The following TUB variants were observed in gnomAD, a reference collection of about 807,000 sequenced individuals.
The protein encoded by TUB is tubby protein homolog.
A neutral mutation model predicts 59.7 loss-of-function variants in TUB; 33 were observed. The ratio of observed to expected loss-of-function variants is 0.55; its 90% CI spans 0.42 to 0.74. TUB has a LOEUF of 0.74. Among genes scored for constraint, TUB ranks in the 30% least tolerant of loss-of-function variants. The probability of loss-of-function intolerance (pLI) is 0.00; values close to 1 mark genes in which losing one functional copy is unlikely to be tolerated. For synonymous variants in TUB, 293 were observed against 256.4 expected, an observed-to-expected ratio of 1.14 and a Z score of -1.36; for missense variants, 659 against 672.0, an observed-to-expected ratio of 0.98 and a Z score of 0.21.
chr11:8,029,177 T>G (rs1185483682), intron 1 of TUB, among the ~76,000 whole-genome samples: 1 of 152,196 alleles, frequency 6.6e-6, no homozygotes, highest in Non-Finnish European at 1.5e-5. Context: ...GGCTTTTTTC[T>G]GGCCCCGGGT....
At chr11:8,070,683 C>T (rs895090902) in intron 2 of TUB, among the ~76,000 whole-genome samples, 2 of 152,216 alleles carry the variant, frequency 1.3e-5, no homozygotes, top group African/African-American at 4.8e-5. Context: ...TGAACCATAA[C>T]TTCAGTCTCA....
upstream of TUB, among the ~76,000 whole-genome samples, chr11:8,078,071 A>C (rs780007858): frequency 6.6e-6 from 1 of 152,138 alleles, no homozygotes; most frequent in Non-Finnish European, 1.5e-5. Flanking sequence ...ATAAGACTCC[A>C]TATAGGTGGC....
rs577068490 is a variant in TUB, at chr11:8,019,716, G to T, written c.56+358G>T. On this transcript the variant is annotated intron_variant, in intron 1 of 11. Coordinates refer to the TUB transcript ENST00000534099. The stretch of plus-strand genomic sequence containing the variant: ...CGGGAGGGGCGGGGCAGGGGCCGGG[G>T]TGGGCCCCTGGCGGGCGGGGCGAGG... Among the ~76,000 whole-genome samples, 26 of 151,992 alleles carry T rather than the reference G, an allele frequency of 1.7e-4. No homozygotes were observed. The East Asian group carries it at 4.9e-3, about 28-fold the overall frequency.
chr11:8,048,986 A>G (rs1200907493), intron 2 of TUB, among the ~76,000 whole-genome samples: 1 of 152,184 alleles, frequency 6.6e-6, no homozygotes, highest in Admixed American at 6.5e-5. Flanking sequence ...ATGAATTCCC[A>G]TGGTACAGCT....
rs1196013699 is a variant in TUB, at chr11:8,102,485, A to G, written c.*866A>G. The G allele has an allele frequency of 6.6e-6, 1 of 152,254 alleles. No homozygotes were observed. Among genetic ancestry groups the G allele is most frequent in the Non-Finnish European group, 1.5e-5 (1 of 68,076 alleles). The allele number at this position is 152,254 out of a possible 1,614,324, so 9.4% of individuals were successfully genotyped here. ...TGCTGAGCAGCCCAGCACAACCCCC[A>G]GGAAACACAAATGGGGTCCAGGTCA... On this transcript the variant is annotated 3_prime_UTR_variant, in exon 12 of 12. Coordinates refer to ENST00000299506, the MANE Select transcript of TUB (RefSeq NM_177972.3).
chr11:8,076,597 C>G (rs1266332043), upstream of TUB: 1 of 152,122 alleles, frequency 6.6e-6, no homozygotes, highest in Non-Finnish European at 1.5e-5. Context: ...TGGAAGCATC[C>G]CATCTCATCC....
At chr11:8,098,206 G>T (rs753363367) in intron 8 of TUB, among the ~76,000 whole-genome samples, 3 of 152,152 alleles carry the variant, frequency 2.0e-5, no homozygotes, top group African/African-American at 7.2e-5. Flanking sequence ...AATCTTGGGG[G>T]TGGGGGGCAG....
At chr11:8,035,050 C>G (rs1942627460), upstream of TUB, among the ~76,000 whole-genome samples, 1 of 152,244 alleles carries the variant, frequency 6.6e-6, no homozygotes. Context: ...CTGACTCAGT[C>G]TGTCCCTCCC....
chr11:8,059,495 G>A (rs1943081596), intron 2 of TUB, among the ~76,000 whole-genome samples: 1 of 152,148 alleles, frequency 6.6e-6, no homozygotes, highest in East Asian at 1.9e-4. Flanking sequence ...GGCAGGTCTG[G>A]GCAGGGTGGT....
At chr11:8,053,839 G>A (rs974732435) in intron 2 of TUB, among the ~76,000 whole-genome samples, 9 of 149,640 alleles carry the variant, frequency 6.0e-5, no homozygotes, top group Non-Finnish European at 1.3e-4. Flanking sequence ...TACTTGGCCG[G>A]GCGCAGTGGC....
intron 2 of TUB, among the ~76,000 whole-genome samples, chr11:8,048,322 G>C (rs2133748194): frequency 6.6e-6 from 1 of 152,308 alleles, no homozygotes; most frequent in East Asian, 1.9e-4. Flanking sequence ...GAATGAATAA[G>C]TGAATGAATG....
chr11:8,099,572 C>T (rs1944162796), intron 9 of TUB, among the ~76,000 whole-genome samples: 2 of 152,238 alleles, frequency 1.3e-5, no homozygotes, highest in East Asian at 3.9e-4. Context: ...GTTTGAGGCA[C>T]TAAGGATATA....
intron 1 of TUB, chr11:8,019,483 C>T (rs1042973283): frequency 4.0e-6 from 4 of 993,516 alleles, no homozygotes; most frequent in East Asian, 3.4e-5. Flanking sequence ...CTTGGGCACC[C>T]GGACCCTCGG....
At chr11:8,089,522 C>CG in intron 1 of TUB, 88 bp from the exon 2 acceptor site, 2 of 1,529,354 alleles carry the variant, frequency 1.3e-6, no homozygotes, top group South Asian at 2.3e-5. Context: ...ATGGGTTTAA[C>CG]GGGCCCAGAT....
chr11:8,031,043 T>A (rs537281354), intron 1 of TUB, among the ~76,000 whole-genome samples: 10 of 152,228 alleles, frequency 6.6e-5, no homozygotes, highest in Non-Finnish European at 1.3e-4. Context: ...GGTTGGGCTC[T>A]GAGAGAAGGC....
chr11:8,066,747 G>A (rs73396771), intron 2 of TUB, among the ~76,000 whole-genome samples: 19,152 of 152,138 alleles, frequency 0.13, 1,455 homozygotes, highest in African/African-American at 0.21. Context: ...TAATAACTGC[G>A]GGTGTTTGAC....
At position 8,029,855 on chromosome 11, in the gene TUB, G is replaced by C. The variant is rs551351355; in HGVS notation, c.56+10497G>C. Among the ~76,000 whole-genome samples, 25 of 152,262 alleles carry C rather than the reference G, an allele frequency of 1.6e-4. No homozygotes were observed. In the South Asian group the frequency reaches 3.7e-3, roughly 23 times the overall value. On this transcript the variant is annotated intron_variant, in intron 1 of 11. Coordinates refer to the TUB transcript ENST00000534099. ...TTAGGGGTTGCTGGCCAGAGGAGTC[G>C]GGTGGCTACCAGAGGCAGGGGGCTG...
chr11:8,063,642 T>G (rs1564907529), intron 2 of TUB, among the ~76,000 whole-genome samples: 1 of 152,250 alleles, frequency 6.6e-6, no homozygotes, highest in Non-Finnish European at 1.5e-5. Flanking sequence ...TTCTTGCTAT[T>G]ATAAATATCA....
intron 1 of TUB, among the ~76,000 whole-genome samples, chr11:8,084,385 G>T (rs1277386867): frequency 6.6e-6 from 1 of 152,160 alleles, no homozygotes; most frequent in Non-Finnish European, 1.5e-5. Context: ...TTTTGTTTCT[G>T]TTAGTACTAA....
Sources: allele counts gnomAD v4.1 joint callset (sites outside exome capture counted in the v4.1 genomes callset), GRCh38; gene constraint gnomAD v4.1.1; transcripts MANE v1.5; gene names NCBI Gene and HGNC (gene_info 2026-07-23, HGNC 2026-07-21).